Variants in KCNQ5 observed in about 807,000 individuals in gnomAD.
The protein encoded by KCNQ5 is potassium voltage-gated channel subfamily KQT member 5.
KCNQ5 carries 30 observed loss-of-function variants against 98.2 expected under a neutral mutation model. The observed-to-expected ratio is 0.31, with a 90% CI of 0.23 to 0.41. The LOEUF is 0.41. KCNQ5 is among the 10% of genes least tolerant of loss of function. The pLI is 1.00. For synonymous variants in KCNQ5, 458 were observed against 449.4 expected, an observed-to-expected ratio of 1.02 and a Z score of -0.24; for missense variants, 835 against 1,182.5, an observed-to-expected ratio of 0.71 and a Z score of 4.31.
At chr6:72,642,882 G>C (rs1239295811) in intron 1 of KCNQ5, among the ~76,000 whole-genome samples, 1 of 152,144 alleles carries the variant, frequency 6.6e-6, no homozygotes, top group African/African-American at 2.4e-5. Context: ...TGGTAGACTG[G>C]ATAAAGAAAA....
At chr6:72,979,645 T>C (rs1473245898) in intron 1 of KCNQ5, among the ~76,000 whole-genome samples, 1 of 152,240 alleles carries the variant, frequency 6.6e-6, no homozygotes, top group Non-Finnish European at 1.5e-5. Flanking sequence ...ACTCTGATGG[T>C]AGTTTCTTTT....
chr6:72,878,607 G>T (rs1171660158), intron 1 of KCNQ5, among the ~76,000 whole-genome samples: 1 of 152,142 alleles, frequency 6.6e-6, no homozygotes, highest in Non-Finnish European at 1.5e-5. Flanking sequence ...GGCATTAGGG[G>T]TGCAGGTCAA....
intron 3 of KCNQ5, among the ~76,000 whole-genome samples, chr6:73,065,207 A>G (rs1466172960): frequency 6.6e-6 from 1 of 152,136 alleles, no homozygotes; most frequent in East Asian, 1.9e-4. Flanking sequence ...CTCCTCACCT[A>G]TCCCCAGTGG....
chr6:72,952,150 G>T (rs1766836478), intron 1 of KCNQ5, among the ~76,000 whole-genome samples: 1 of 152,196 alleles, frequency 6.6e-6, no homozygotes, highest in Admixed American at 6.5e-5. Context: ...AGTATTTTTG[G>T]ATAAGGATAG....
At chr6:73,116,967 C>CA (rs991237094) in intron 7 of KCNQ5, among the ~76,000 whole-genome samples, 2 of 152,028 alleles carry the variant, frequency 1.3e-5, no homozygotes, top group East Asian at 3.8e-4. Context: ...AAAATACTCC[C>CA]AAAAAAACTG....
chr6:73,054,539 A>G (rs1358475604), intron 3 of KCNQ5, among the ~76,000 whole-genome samples: 5 of 152,250 alleles, frequency 3.3e-5, no homozygotes, highest in African/African-American at 7.2e-5. Context: ...TTGGTTCAAC[A>G]TATACAAATG....
chr6:72,894,609 G>A (rs1014656758), intron 1 of KCNQ5, among the ~76,000 whole-genome samples: 1 of 152,104 alleles, frequency 6.6e-6, no homozygotes, highest in Non-Finnish European at 1.5e-5. Flanking sequence ...AATTCTTCTG[G>A]GATAAGGTTG....
chr6:73,101,753 T>G (rs1162921521), intron 5 of KCNQ5, among the ~76,000 whole-genome samples: 1 of 151,970 alleles, frequency 6.6e-6, no homozygotes, highest in African/African-American at 2.4e-5. Flanking sequence ...TTAAAGAGGA[T>G]ACAAAAAAAG....
At chr6:72,735,290 AATTAAGT>A (rs1389874872) in intron 1 of KCNQ5, among the ~76,000 whole-genome samples, 1 of 152,224 alleles carries the variant, frequency 6.6e-6, no homozygotes, top group Non-Finnish European at 1.5e-5. Flanking sequence ...GCACCTTCAG[AATTAAGT>A]ATTTTATTTC....
At chr6:72,859,074 G>C (rs1167880921) in intron 1 of KCNQ5, among the ~76,000 whole-genome samples, 1 of 152,030 alleles carries the variant, frequency 6.6e-6, no homozygotes, top group African/African-American at 2.4e-5. Flanking sequence ...GATTAGACCT[G>C]TTTATGCCAT....
At chr6:73,123,690 A>T (rs933351872) in intron 8 of KCNQ5, among the ~76,000 whole-genome samples, 1 of 152,212 alleles carries the variant, frequency 6.6e-6, no homozygotes, top group African/African-American at 2.4e-5. Context: ...AGGGCAAAAC[A>T]CAGGTAAATA....
Position 72,987,248 on chromosome 6 carries a change from A to C in KCNQ5, c.399-16660A>C. ...ACAAGAGGAAAGAGAGTGGGGCAGC[A>C]AGAGACCCTTGGAAGGAGGAAACAG... On this transcript the variant is annotated intron_variant, in intron 1 of 13. Transcript: ENST00000370398. 15 of 690,886 alleles carry C rather than the reference A, an allele frequency of 2.2e-5. 1 individual carries two copies. The highest frequency in any genetic ancestry group is 2.0e-4 in the South Asian group (15 of 73,726). The allele number at this position is 690,886 out of a possible 1,614,324, so 42.8% of individuals were successfully genotyped here.
chr6:72,957,317 C>T (rs986367362), intron 1 of KCNQ5, among the ~76,000 whole-genome samples: 13 of 151,800 alleles, frequency 8.6e-5, no homozygotes, highest in Middle Eastern at 3.4e-3. Flanking sequence ...ATTACAGGCG[C>T]GCACCACCAC....
At chr6:72,683,901 T>C (rs923104494) in intron 1 of KCNQ5, among the ~76,000 whole-genome samples, 3 of 152,222 alleles carry the variant, frequency 2.0e-5, no homozygotes, top group Non-Finnish European at 4.4e-5. Context: ...TTTTCTTTTA[T>C]GTTTTCACAT....
chr6:72,658,796 T>C (rs1212051541), intron 1 of KCNQ5, among the ~76,000 whole-genome samples: 2 of 151,744 alleles, frequency 1.3e-5, no homozygotes, highest in Non-Finnish European at 1.5e-5. Flanking sequence ...ACCAGGCTGA[T>C]CTCGAACTCC....
At chr6:73,004,067 C>T in intron 2 of KCNQ5, 69 bp downstream of exon 2, 1 of 798,086 alleles carries the variant, frequency 1.3e-6, no homozygotes, top group South Asian at 1.8e-5. Context: ...TTATACTATG[C>T]ATCTTATCCT....
At chr6:73,121,000 T>C (rs796756692) in intron 8 of KCNQ5, among the ~76,000 whole-genome samples, 36 of 152,224 alleles carry the variant, frequency 2.4e-4, no homozygotes, top group African/African-American at 8.7e-4. Context: ...CTCAAAGCCA[T>C]TTCTCATCTG....
Position 72,728,354 on chromosome 6 carries a change from G to T in KCNQ5, c.398+105767G>T, listed in dbSNP as rs568656140. ...TTCCAGGATCTTATTATTTATACCT[G>T]TTCCAGATGCAGTTCTTCTTGATCT... On this transcript the variant is annotated intron_variant, in intron 1 of 13. Coordinates refer to ENST00000370398, the MANE Select transcript of KCNQ5 (RefSeq NM_019842.4). Among the ~76,000 whole-genome samples, 25 of 152,134 alleles carry T rather than the reference G, an allele frequency of 1.6e-4. 1 individual carries two copies. The South Asian group carries it at 5.2e-3, about 32-fold the overall frequency.
chr6:72,803,447 A>G (rs1465511366), intron 1 of KCNQ5, among the ~76,000 whole-genome samples: 1 of 152,140 alleles, frequency 6.6e-6, no homozygotes, highest in Non-Finnish European at 1.5e-5. Flanking sequence ...CTTTTCTGAA[A>G]GTTTATGCTT....
Sources: allele counts gnomAD v4.1 joint callset (sites outside exome capture counted in the v4.1 genomes callset), GRCh38; gene constraint gnomAD v4.1.1; transcripts MANE v1.5; gene names NCBI Gene and HGNC (gene_info 2026-07-23, HGNC 2026-07-21).